Variants in SATL1 observed in about 807,000 individuals in gnomAD.
SATL1 encodes spermidine/spermine N(1)-acetyltransferase-like protein 1.
In SATL1, 47 loss-of-function variants were observed where a neutral mutation model predicts 51.8. The observed-to-expected ratio is 0.91, with a 90% CI of 0.72 to 1.16. The LOEUF (loss-of-function observed/expected upper bound fraction) is 1.16. Ranked by LOEUF, SATL1 falls within the 50% of genes most tolerant of loss-of-function variation. SATL1 has a pLI of 0.00. For missense variants in SATL1, 520 were observed against 526.4 expected, an observed-to-expected ratio of 0.99 and a Z score of 0.12; for synonymous variants, 176 against 182.4, an observed-to-expected ratio of 0.97 and a Z score of 0.28.
chrX:85,165,758 C>A (rs760738215), intron 2 of SATL1, among the ~76,000 whole-genome samples: 149 of 111,289 alleles, frequency 1.3e-3, no homozygotes, highest in African/African-American at 4.6e-3. Flanking sequence ...ATGGTGCTAT[C>A]CCCCATTGAA....
chrX:85,139,978 C>T (rs1028492172), intron 2 of SATL1, among the ~76,000 whole-genome samples: 2 of 111,677 alleles, frequency 1.8e-5, no homozygotes, highest in Admixed American at 9.5e-5. Flanking sequence ...ACCCCAGTGT[C>T]CCCTTCTTGC....
intron 2 of SATL1, chrX:85,209,346 C>T (rs931096865): frequency 4.5e-5 from 5 of 111,607 alleles, no homozygotes; most frequent in African/African-American, 1.6e-4. Context: ...TTAGGATTGT[C>T]TTGGCAATGC....
rs1208746263 is a variant in SATL1 at position 85,108,565 on chromosome X, C to A, written c.404G>T (p.Ser135Ile). 1 of 1,208,058 alleles carries A rather than the reference C, an allele frequency of 8.3e-7. No homozygotes were observed. The highest frequency in any genetic ancestry group is 2.2e-5 in the Admixed American group (1 of 45,499). ...RQIGTNQSGM[S>I]QPVMQQLDSQ... Reference sequence around the variant, plus strand: ...GTCTAGTTGCTGCATCACTGGTTGGCTCATACCTGATTGGTTCGTGCCTAT... The same window carrying A: ...GTCTAGTTGCTGCATCACTGGTTGGATCATACCTGATTGGTTCGTGCCTAT... Residue 135 changes from serine to isoleucine, a missense_variant, in exon 3 of 8, where the codon AGC becomes ATC. Around this residue, in one of 3 missense-constraint regions of SATL1, gnomAD observed 488 missense variants for 474.3 expected, o/e 1.03. Coordinates refer to ENST00000644105, the MANE Select transcript of SATL1 (RefSeq NM_001367857.2).
chrX:85,120,964 A>G (rs1925491765), intron 2 of SATL1, among the ~76,000 whole-genome samples: 1 of 111,242 alleles, frequency 9.0e-6, no homozygotes, highest in Non-Finnish European at 1.9e-5. Context: ...GATGCCGTCA[A>G]ATATGGAAAG....
At chrX:85,109,522 G>A (rs1451884596) in intron 2 of SATL1, among the ~76,000 whole-genome samples, 3 of 111,109 alleles carry the variant, frequency 2.7e-5, no homozygotes, top group Non-Finnish European at 5.7e-5. Context: ...CAGAGCTTAT[G>A]CTTGGCACTC....
chrX:85,103,633 A>C (rs1924954480), intron 4 of SATL1, among the ~76,000 whole-genome samples: 1 of 111,971 alleles, frequency 8.9e-6, no homozygotes, highest in African/African-American at 3.2e-5. Context: ...ACATTCTGAA[A>C]ACCAGCTGAA....
At chrX:85,121,570 A>T (rs1434084260) in intron 2 of SATL1, among the ~76,000 whole-genome samples, 6 of 105,650 alleles carry the variant, frequency 5.7e-5, no homozygotes, top group Non-Finnish European at 1.2e-4. Flanking sequence ...GGTCCTTCTT[A>T]ATCTTCTTGA....
chrX:85,184,280 C>A (rs758430205), intron 2 of SATL1, among the ~76,000 whole-genome samples: 7 of 111,298 alleles, frequency 6.3e-5, no homozygotes, highest in African/African-American at 2.3e-4. Flanking sequence ...CCTTTAGGGG[C>A]TTGATCACTA....
At chrX:85,213,381 T>C (rs1927970073) in intron 2 of SATL1, among the ~76,000 whole-genome samples, 1 of 112,032 alleles carries the variant, frequency 8.9e-6, no homozygotes, top group Non-Finnish European at 1.9e-5. Flanking sequence ...GAATGCAAAG[T>C]ATTTCCTTGT....
chrX:85,114,989 C>A (rs1001090574), intron 2 of SATL1, among the ~76,000 whole-genome samples: 1 of 111,694 alleles, frequency 9.0e-6, no homozygotes, highest in Non-Finnish European at 1.9e-5. Flanking sequence ...GGGGGCTGGA[C>A]TTCCTTCCCT....
intron 1 of SATL1, among the ~76,000 whole-genome samples, chrX:85,235,811 T>C (rs761899570): frequency 9.2e-6 from 1 of 109,037 alleles, no homozygotes; most frequent in Non-Finnish European, 1.9e-5. Context: ...AACCTGAAAA[T>C]AGTAGAAAAA....
At chrX:85,208,791 A>ATATT (rs1209171817) in intron 2 of SATL1, 1 of 111,383 alleles carries the variant, frequency 9.0e-6, no homozygotes, top group Non-Finnish European at 1.9e-5. Flanking sequence ...TAGATTCTGG[A>ATATT]TATTAGCCCT....
At chrX:85,183,119 C>T (rs1927242174) in intron 2 of SATL1, among the ~76,000 whole-genome samples, 1 of 111,287 alleles carries the variant, frequency 9.0e-6, no homozygotes, top group African/African-American at 3.3e-5. Flanking sequence ...GTTGCATATG[C>T]TTTTGAGGTC....
chrX:85,197,894 T>C (rs1927607662), intron 2 of SATL1, among the ~76,000 whole-genome samples: 1 of 110,433 alleles, frequency 9.1e-6, no homozygotes, highest in Non-Finnish European at 1.9e-5. Context: ...ATCCAGTCTA[T>C]CATTGTTGGA....
At position 85,168,111 on chromosome X, in the gene SATL1, C is replaced by T. The variant is rs150641320; in HGVS notation, c.-313+56094G>A. Among the ~76,000 whole-genome samples the T allele has an allele frequency of 7.9e-3, 871 of 110,470 alleles. 3 individuals are homozygous for T. The highest frequency in any genetic ancestry group is 0.012 in the Non-Finnish European group (619 of 52,819). On this transcript the variant is annotated intron_variant, in intron 2 of 7. Transcript: ENST00000644105. ...TTTCATATTAAAAACTCTCAATAAA[C>T]TAGCTATTGAAAGAATATACCTCAA...
chrX:85,209,964 G>A (rs936874581), intron 2 of SATL1: 1 of 109,788 alleles, frequency 9.1e-6, no homozygotes, highest in Non-Finnish European at 1.9e-5. Flanking sequence ...TTCTCTTGTG[G>A]ACATTTAGTG....
chrX:85,110,296 G>A lies in SATL1; in HGVS notation c.-312-1016C>T, dbSNP rs1364005062. Among the ~76,000 whole-genome samples, 3 of 111,412 alleles carry A rather than the reference G, an allele frequency of 2.7e-5. No individual in the cohort carries two copies. In the East Asian group the frequency reaches 8.5e-4, roughly 31 times the overall value. On this transcript the variant is annotated intron_variant, in intron 2 of 7. Coordinates refer to ENST00000644105, the MANE Select transcript of SATL1 (RefSeq NM_001367857.2). ...CGTTCTCCATCCTCATATCTGTGAG[G>A]TCAGGCATTTTGTCCTTTTACCTCT...
At chrX:85,185,818 C>A (rs779258135) in intron 2 of SATL1, among the ~76,000 whole-genome samples, 4 of 110,292 alleles carry the variant, frequency 3.6e-5, no homozygotes, top group South Asian at 3.9e-4. Flanking sequence ...GGTGCTCTAC[C>A]CCCCTGTGGC....
intron 2 of SATL1, among the ~76,000 whole-genome samples, chrX:85,184,921 T>C (rs755059388): frequency 1.8e-5 from 2 of 111,809 alleles, no homozygotes; most frequent in South Asian, 3.8e-4. Flanking sequence ...AAAAGTTAGG[T>C]ATTTATTGCA....
Sources: gnomAD v4.1 joint callset for allele counts (sites outside exome capture counted in the v4.1 genomes callset) on GRCh38, gnomAD v4.1.1 for gene constraint, gnomAD v4.1.1 regional missense constraint, MANE v1.5 for transcripts, NCBI Gene and HGNC (gene_info 2026-07-23, HGNC 2026-07-21) for gene names.